The following RPS20 variants were observed in gnomAD, a reference collection of about 807,000 sequenced individuals.
RPS20 encodes small ribosomal subunit protein uS10.
In RPS20, 3 loss-of-function variants were observed where a neutral mutation model predicts 15.3. That is an observed-to-expected ratio of 0.20 (90% CI 0.09 to 0.51). The LOEUF (loss-of-function observed/expected upper bound fraction) is 0.51, where lower values mean the gene tolerates loss of function less well. Among genes scored for constraint, RPS20 ranks in the 20% least tolerant of loss-of-function variants. The probability of loss-of-function intolerance (pLI) is 0.96; values close to 1 mark genes in which losing one functional copy is unlikely to be tolerated. For synonymous variants in RPS20, 62 were observed against 47.8 expected (o/e 1.30, Z -1.23); for missense variants, 67 against 145.9 (o/e 0.46, Z 2.79).
downstream of RPS20, among the ~76,000 whole-genome samples, chr8:56,072,389 TATAAAATAAAAAA>T (rs1366700052): frequency 6.6e-6 from 1 of 151,854 alleles, no homozygotes; most frequent in Admixed American, 6.6e-5. Context: ...CCATCTCTAC[TATAAAATAAAAAA>T]TTAACCAGGC....
downstream of RPS20, among the ~76,000 whole-genome samples, chr8:56,069,302 G>T (rs1055311537): frequency 6.6e-6 from 1 of 151,762 alleles, no homozygotes; most frequent in African/African-American, 2.4e-5. Flanking sequence ...GAGTGCAGTG[G>T]ACTCGATCCA....
chr8:56,071,497 G>C (rs376962556), downstream of RPS20, among the ~76,000 whole-genome samples: 6 of 152,306 alleles, frequency 3.9e-5, no homozygotes, highest in East Asian at 9.6e-4. Flanking sequence ...TGTTAACTGG[G>C]TTTGTCTTGA....
At chr8:56,072,164 G>A (rs567057493), downstream of RPS20, among the ~76,000 whole-genome samples, 1 of 152,290 alleles carries the variant, frequency 6.6e-6, no homozygotes, top group East Asian at 1.9e-4. Flanking sequence ...ATGAGCCCAG[G>A]TCAAGGCTGC....
At chr8:56,073,976 C>A (rs548079904) in intron 2 of RPS20, 84 bp downstream of exon 2, 10 of 1,229,940 alleles carry the variant, frequency 8.1e-6, no homozygotes, top group Non-Finnish European at 1.2e-5. Flanking sequence ...TTCTTGCAGT[C>A]CACCTTCTAC....
downstream of RPS20, among the ~76,000 whole-genome samples, chr8:56,070,661 G>T (rs1010415981): frequency 1.3e-5 from 2 of 150,974 alleles, no homozygotes; most frequent in African/African-American, 4.9e-5. Flanking sequence ...CCAGGGAGTT[G>T]AAGGCTGCAG....
Position 56,073,681 on chromosome 8 carries a change from C to A in RPS20, c.177+14G>T, listed in dbSNP as rs781078687. 3.1e-6 allele frequency: 5 copies of A among 1,609,616 alleles called. No homozygotes were observed. In the Admixed American group the frequency reaches 8.3e-5, roughly 27 times the overall value. ...GAAGCAACTCCTACTTCCTGCCCCT[C>A]CGATTTACTTTACCTTGGTAGGCAT... On this transcript the variant is annotated intron_variant, in intron 3 of 3. Transcript: ENST00000009589.
downstream of RPS20, chr8:56,072,725 T>C (rs1809800244): frequency 4.3e-6 from 1 of 234,016 alleles, no homozygotes; most frequent in Non-Finnish European, 7.0e-6. Context: ...AAAATATTAG[T>C]TACTAGCTTT....
chr8:56,072,653 T>TA (rs1289923100), downstream of RPS20, among the ~76,000 whole-genome samples: 3 of 152,118 alleles, frequency 2.0e-5, no homozygotes, highest in Non-Finnish European at 4.4e-5. Context: ...CCCTAAAACT[T>TA]AGTTTTAGTC....
chr8:56,074,367 G>T lies in RPS20; in HGVS notation c.3+14C>A. On this transcript the variant is annotated intron_variant, in intron 1 of 3. Transcript: ENST00000009589. ...GCCCTGCGTTGCGCCGCCCGCCGCC[G>T]ACTGCCGCCTCACCATGGCTGTTGC... 1 of 1,556,156 alleles carries T rather than the reference G, an allele frequency of 6.4e-7. No homozygotes were observed.
intron 1 of RPS20, 54 bp downstream of exon 1, chr8:56,074,327 C>A (rs1032428563): frequency 6.5e-7 from 1 of 1,541,526 alleles, no homozygotes. Flanking sequence ...AAACCGGGGT[C>A]CCCCCGGCGC....
downstream of RPS20, among the ~76,000 whole-genome samples, chr8:56,071,737 G>A (rs1809761634): frequency 1.3e-5 from 2 of 152,144 alleles, no homozygotes; most frequent in South Asian, 4.1e-4. Context: ...TCAACTGAAG[G>A]TCAATTTGAA....
downstream of RPS20, among the ~76,000 whole-genome samples, chr8:56,072,556 C>T (rs1299608764): frequency 2.1e-5 from 3 of 143,182 alleles, no homozygotes; most frequent in Admixed American, 7.0e-5. Context: ...CGTCCCCCCC[C>T]CCAAAAAAAA....
chr8:56,070,499 G>C (rs1809721864), downstream of RPS20, among the ~76,000 whole-genome samples: 1 of 152,070 alleles, frequency 6.6e-6, no homozygotes, highest in African/African-American at 2.4e-5. Context: ...ACTATGGGAG[G>C]CCGAGGAGGG....
In RPS20 at chr8:56,074,422, G is replaced by C. The variant is rs771674295; in HGVS notation, c.-39C>G. On this transcript the variant is annotated 5_prime_UTR_variant, in exon 1 of 4. Coordinates refer to ENST00000009589, the MANE Select transcript of RPS20 (RefSeq NM_001023.4). Reference sequence around the variant, plus strand: ...GGGCTTCCTGACCGACTTGTTCCTCGGCGAGAGCGAACAGCGGTGAGTCAG... The same window carrying C: ...GGGCTTCCTGACCGACTTGTTCCTCCGCGAGAGCGAACAGCGGTGAGTCAG... The C allele has an allele frequency of 3.2e-6, 5 of 1,550,872 alleles. No homozygotes were observed. In the Admixed American group the frequency reaches 5.6e-5, roughly 17 times the overall value.
At chr8:56,072,900 T>G (rs1207865790), downstream of RPS20, 5 of 1,345,142 alleles carry the variant, frequency 3.7e-6, no homozygotes, top group Non-Finnish European at 4.8e-6. Context: ...ATTATGTAGT[T>G]AACGGAATCC....
At chr8:56,069,039 C>A (rs1183781932), downstream of RPS20, among the ~76,000 whole-genome samples, 1 of 149,072 alleles carries the variant, frequency 6.7e-6, no homozygotes, top group Non-Finnish European at 1.5e-5. Flanking sequence ...CTCAGATGAT[C>A]CATGGGGTGA....
At chr8:56,067,844 A>G (rs559890859) in exon 6 of RPS20, 5 of 152,128 alleles carry the variant, frequency 3.3e-5, no homozygotes, top group Non-Finnish European at 7.4e-5. Flanking sequence ...AGAAAGTAAA[A>G]TTGTGGTTGC....
downstream of RPS20, among the ~76,000 whole-genome samples, chr8:56,071,783 A>G (rs1032816285): frequency 6.6e-6 from 1 of 152,208 alleles, no homozygotes; most frequent in Non-Finnish European, 1.5e-5. Flanking sequence ...CCTAGGCCCA[A>G]ATCCAAAAAG....
downstream of RPS20, chr8:56,068,229 G>A (rs1809660193): frequency 6.6e-6 from 1 of 152,070 alleles, no homozygotes; most frequent in Non-Finnish European, 1.5e-5. Context: ...TTATCAAAAT[G>A]AAAAATAATC....
Sources: allele counts gnomAD v4.1 joint callset (sites outside exome capture counted in the v4.1 genomes callset), GRCh38; gene constraint gnomAD v4.1.1; transcripts MANE v1.5; gene names NCBI Gene and HGNC (gene_info 2026-07-23, HGNC 2026-07-21).